The following MRAP variants were observed in gnomAD, a reference collection of about 807,000 sequenced individuals.
MRAP encodes melanocortin 2 receptor accessory protein.
MRAP carries 8 observed loss-of-function variants against 8.7 expected under a neutral mutation model. The observed-to-expected ratio is 0.92, with a 90% confidence interval of 0.54 to 1.66. The LOEUF (loss-of-function observed/expected upper bound fraction) is 1.66. Ranked by LOEUF, MRAP falls within the 40% of genes most tolerant of loss-of-function variation. MRAP has a pLI of 0.00. For missense variants in MRAP, 237 were observed against 217.1 expected (o/e 1.09, Z -0.58); for synonymous variants, 95 against 95.5 (o/e 1.00, Z 0.03).
chr21:32,298,535 G>C (rs2032183735), upstream of MRAP, among the ~76,000 whole-genome samples: 1 of 152,178 alleles, frequency 6.6e-6, no homozygotes, highest in Admixed American at 6.5e-5. Flanking sequence ...CAAGGGCACT[G>C]TCGGGCTTAC....
chr21:32,306,882 C>T (rs1317939000), intron 2 of MRAP, 143 bp downstream of exon 2: 4 of 735,906 alleles, frequency 5.4e-6, no homozygotes, highest in African/African-American at 5.2e-5. Context: ...ATTGTACCTA[C>T]CAGCTGAGCA....
intron 2 of MRAP, among the ~76,000 whole-genome samples, chr21:32,307,758 C>T (rs889602377): frequency 3.9e-5 from 6 of 152,108 alleles, no homozygotes; most frequent in East Asian, 1.9e-4. Flanking sequence ...CCTGTAGTCC[C>T]GGCTACTCAG....
chr21:32,296,565 G>A (rs2032142702), upstream of MRAP, among the ~76,000 whole-genome samples: 1 of 152,126 alleles, frequency 6.6e-6, no homozygotes, highest in African/African-American at 2.4e-5. Flanking sequence ...CTACTTACAC[G>A]AATCTAGAGG....
chr21:32,293,877 T>C (rs1234321512), upstream of MRAP, among the ~76,000 whole-genome samples: 1 of 152,158 alleles, frequency 6.6e-6, no homozygotes, highest in African/African-American at 2.4e-5. Context: ...TTTAAATTGT[T>C]TTTCTACTAG....
rs2032598697 is a variant in MRAP, at chr21:32,312,189, G to C, written c.*193G>C. ...CCCCTCGAGTGCAGAGGTCATCCCA[G>C]GTGTTGCTGAGTTTATTGAGCACAC... On this transcript the variant is annotated 3_prime_UTR_variant, in exon 3 of 3. Transcript: ENST00000303645. The C allele has an allele frequency of 5.4e-6, 8 of 1,495,164 alleles. No individual in the cohort carries two copies. In the African/African-American group the frequency reaches 9.7e-5, roughly 18 times the overall value. The allele number at this position is 1,495,164 out of a possible 1,614,324, so 92.6% of individuals were successfully genotyped here.
At chr21:32,305,932 G>A (rs188543827) in intron 1 of MRAP, among the ~76,000 whole-genome samples, 1 of 152,310 alleles carries the variant, frequency 6.6e-6, no homozygotes, top group Non-Finnish European at 1.5e-5. Flanking sequence ...CCCCAGGGGG[G>A]CTAAGTGTGT....
intron 1 of MRAP, among the ~76,000 whole-genome samples, chr21:32,304,965 G>GTTTTTTTTTTTTTT (rs537525538): frequency 3.2e-4 from 25 of 78,114 alleles, no homozygotes; most frequent in African/African-American, 5.2e-4. Context: ...TTTTTTTGTT[G>GTTTTTTTTTTTTTT]TTTTTTTTTT....
rs202231996 is a variant in MRAP at position 32,302,223 on chromosome 21, G to GA, written c.106+3152dup. 6.2e-4 allele frequency among the ~76,000 whole-genome samples: 95 copies of GA among 152,300 alleles called. 1 individual carries two copies. The East Asian group carries it at 0.015, about 24-fold the overall frequency. ...TTTGGAAATAGTTAAGACTGACCCA[G>GA]AAAAAAGTCAGGTTAATGAAATGGG... On this transcript the variant is annotated intron_variant, in intron 1 of 2. Coordinates refer to ENST00000303645, the MANE Select transcript of MRAP (RefSeq NM_001379228.1).
At chr21:32,297,406 C>T (rs73901384), upstream of MRAP, among the ~76,000 whole-genome samples, 2,655 of 152,264 alleles carry the variant, frequency 0.017, 67 homozygotes, top group African/African-American at 0.059. Flanking sequence ...TAAAACCCTA[C>T]AAAAACCCTC....
chr21:32,307,597 A>T (rs1235404253), intron 2 of MRAP, among the ~76,000 whole-genome samples: 1 of 151,436 alleles, frequency 6.6e-6, no homozygotes, highest in Non-Finnish European at 1.5e-5. Context: ...AAAAAAAAGA[A>T]GTTCTAAAAT....
chr21:32,306,393 TCTTAACAATCACC>T (rs2032417093), intron 1 of MRAP: 2 of 524,064 alleles, frequency 3.8e-6, no homozygotes, highest in Non-Finnish European at 7.0e-6. Flanking sequence ...CAGTGTTTCC[TCTTAACAATCACC>T]CTAAACAGAC....
chr21:32,298,914 G>T lies in MRAP; in HGVS notation c.-58G>T. The T allele has an allele frequency of 7.9e-7, 1 of 1,258,342 alleles. No individual in the cohort carries two copies. The highest frequency in any genetic ancestry group is 1.2e-5 in the South Asian group (1 of 82,644). The allele number at this position is 1,258,342 out of a possible 1,614,324, so 77.9% of individuals were successfully genotyped here. A position where few individuals can be genotyped will look rare whatever the true frequency, so the allele number is the denominator to read the frequency against. Reference sequence around the variant, plus strand: ...TGAGGCAGTCTCCTCCCAGGGGCTTGGCGCCTGGCTCGAGGCGAGGCTGCC... The same window carrying T: ...TGAGGCAGTCTCCTCCCAGGGGCTTTGCGCCTGGCTCGAGGCGAGGCTGCC... On this transcript the variant is annotated 5_prime_UTR_variant, in exon 1 of 3. Coordinates refer to ENST00000303645, the MANE Select transcript of MRAP (RefSeq NM_001379228.1).
upstream of MRAP, among the ~76,000 whole-genome samples, chr21:32,295,977 AAAAAC>A (rs201808516): frequency 0.018 from 2,794 of 152,240 alleles, 37 homozygotes; most frequent in Non-Finnish European, 0.027. Flanking sequence ...CTCCATCTCA[AAAAAC>A]AAAACAAAAC....
intron 1 of MRAP, among the ~76,000 whole-genome samples, chr21:32,299,639 C>T (rs1299628633): frequency 1.3e-5 from 2 of 152,140 alleles, no homozygotes; most frequent in Admixed American, 1.3e-4. Context: ...CGAGAATATT[C>T]TTTTAAAGAT....
At chr21:32,299,305 A>C (rs558886409) in intron 1 of MRAP, among the ~76,000 whole-genome samples, 37 of 152,344 alleles carry the variant, frequency 2.4e-4, no homozygotes, top group Non-Finnish European at 4.1e-4. Flanking sequence ...TCACGAAGAC[A>C]CTTTGGAAGC....
intron 1 of MRAP, among the ~76,000 whole-genome samples, chr21:32,300,747 T>C (rs950178499): frequency 1.4e-4 from 16 of 111,846 alleles, no homozygotes; most frequent in African/African-American, 5.0e-4. Context: ...TGTCAGTGTG[T>C]CGTGCGTCCT....
At position 32,311,780 on chromosome 21, in the gene MRAP, G is replaced by C. The variant is rs769302607; in HGVS notation, c.303G>C (p.Leu101=). The part of the protein sequence containing the change: ...QKCLPCHREP[L]ATSQAQASSV... Reference sequence around the variant, plus strand: ...GCCTGCCGTGCCACAGGGAACCCCTGGCAACCTCACAGGCTCAGGCGAGCT... The same window carrying C: ...GCCTGCCGTGCCACAGGGAACCCCTCGCAACCTCACAGGCTCAGGCGAGCT... Residue 101 remains leucine (L), a synonymous_variant, in exon 3 of 3, where the codon CTG becomes CTC. Transcript: ENST00000303645. 6.2e-7 allele frequency: 1 copy of C among 1,614,138 alleles called. No individual in the cohort carries two copies. The highest frequency in any genetic ancestry group is 8.5e-7 in the Non-Finnish European group (1 of 1,180,036).
rs774251094 is a variant in MRAP at position 32,312,005 on chromosome 21, A to T, written c.*9A>T. 6 of 1,613,018 alleles carry T rather than the reference A, an allele frequency of 3.7e-6. No individual in the cohort carries two copies. In the Admixed American group the frequency reaches 6.7e-5, roughly 18 times the overall value. On this transcript the variant is annotated 3_prime_UTR_variant, in exon 3 of 3. Coordinates refer to ENST00000303645, the MANE Select transcript of MRAP (RefSeq NM_001379228.1). Reference sequence around the variant, plus strand: ...CTCAATTGCAGAGCTGATGTCAGTAAATCGTGGCCATAGCTGAGTGAACTG... The same window carrying T: ...CTCAATTGCAGAGCTGATGTCAGTATATCGTGGCCATAGCTGAGTGAACTG...
chr21:32,305,402 TCAC>T (rs1386382255), intron 1 of MRAP, among the ~76,000 whole-genome samples: 2 of 152,220 alleles, frequency 1.3e-5, no homozygotes, highest in Non-Finnish European at 2.9e-5. Flanking sequence ...ATACCAATCT[TCAC>T]CCCAGAGCCT....
Sources: allele counts gnomAD v4.1 joint callset (sites outside exome capture counted in the v4.1 genomes callset), GRCh38; gene constraint gnomAD v4.1.1; transcripts MANE v1.5; gene names NCBI Gene and HGNC (gene_info 2026-07-23, HGNC 2026-07-21).